RANBP2: variants seen among roughly 807,000 people sequenced by gnomAD.
RANBP2 encodes E3 SUMO-protein ligase RanBP2.
In RANBP2, 57 loss-of-function variants were observed where a neutral mutation model predicts 303.6. The observed-to-expected ratio is 0.19, with a 90% confidence interval of 0.15 to 0.23. The LOEUF is 0.23. Ranked by LOEUF, RANBP2 falls within the 10% of genes least tolerant of loss-of-function variation. RANBP2 has a pLI of 1.00. For missense variants in RANBP2, 3,138 were observed against 3,780.8 expected (o/e 0.83, Z 4.46); for synonymous variants, 1,167 against 1,301.5 (o/e 0.90, Z 2.23).
At chr2:109,140,107 C>G in the RANBP2 span, among the ~76,000 whole-genome samples, 2 of 152,136 alleles carry the variant, frequency 1.3e-5, no homozygotes, top group African/African-American at 4.8e-5. Flanking sequence ...CCTGGGAGGC[C>G]CCTTTTCCCT....
chr2:109,662,282 ATTTC>A, the RANBP2 span, among the ~76,000 whole-genome samples: 1 of 151,506 alleles, frequency 6.6e-6, no homozygotes, highest in Non-Finnish European at 1.5e-5. Context: ...CACCCTGTAT[ATTTC>A]TTTCTTTCTT....
chr2:109,240,215 T>C, the RANBP2 span, among the ~76,000 whole-genome samples: 1 of 152,208 alleles, frequency 6.6e-6, no homozygotes, highest in Admixed American at 6.5e-5. Flanking sequence ...AAATCAGGGT[T>C]GAAGCCAGGC....
chr2:108,921,578 G>A, the RANBP2 span, among the ~76,000 whole-genome samples: 1 of 152,228 alleles, frequency 6.6e-6, no homozygotes, highest in Non-Finnish European at 1.5e-5. Context: ...CCAGAGTGGG[G>A]CTGCTGATGG....
At chr2:109,423,439 C>A in the RANBP2 span, among the ~76,000 whole-genome samples, 1 of 152,194 alleles carries the variant, frequency 6.6e-6, no homozygotes, top group African/African-American at 2.4e-5. Flanking sequence ...TCCTCAATAA[C>A]AACAGTCCCC....
chr2:109,385,260 T>C, the RANBP2 span, among the ~76,000 whole-genome samples: 6 of 152,154 alleles, frequency 3.9e-5, no homozygotes, highest in Admixed American at 3.9e-4. Flanking sequence ...ATTGGAGACA[T>C]AGTGAAGTGC....
the RANBP2 span, among the ~76,000 whole-genome samples, chr2:109,203,123 G>A: frequency 6.6e-6 from 1 of 152,120 alleles, no homozygotes; most frequent in African/African-American, 2.4e-5. Flanking sequence ...CCCTGGGCCT[G>A]TCCGTGTCCT....
At chr2:109,130,147 A>C in the RANBP2 span, 1 of 1,277,364 alleles carries the variant, frequency 7.8e-7, no homozygotes, top group South Asian at 2.6e-5. Context: ...TGGCCACGGC[A>C]CGTGGGAGTG....
chr2:109,251,313 A>G, the RANBP2 span: 54 of 432,088 alleles, frequency 1.2e-4, no homozygotes, highest in Non-Finnish European at 1.3e-4. Context: ...GGCCCAAATT[A>G]TCTTTAACAA....
chr2:109,471,392 G>C, the RANBP2 span, among the ~76,000 whole-genome samples: 1 of 152,074 alleles, frequency 6.6e-6, no homozygotes, highest in Non-Finnish European at 1.5e-5. Flanking sequence ...AGAAAGTGAA[G>C]GGGGAAGAAT....
the RANBP2 span, among the ~76,000 whole-genome samples, chr2:109,216,464 G>A: frequency 6.6e-6 from 1 of 152,220 alleles, no homozygotes; most frequent in East Asian, 1.9e-4. Context: ...TGAGGGCGGT[G>A]CAGGGCTTAT....
At chr2:109,648,743 G>T in the RANBP2 span, among the ~76,000 whole-genome samples, 12,646 of 149,368 alleles carry the variant, frequency 0.085, 958 homozygotes, top group East Asian at 0.25. Flanking sequence ...AACCCCTGCC[G>T]CCTGGGTTCA....
At chr2:108,834,214 A>AT in the RANBP2 span, among the ~76,000 whole-genome samples, 12,224 of 139,644 alleles carry the variant, frequency 0.088, 843 homozygotes, top group African/African-American at 0.15. Context: ...CATCTTTGAA[A>AT]TTTTTTTTTT....
chr2:109,211,923 G>A, the RANBP2 span, among the ~76,000 whole-genome samples: 1 of 152,240 alleles, frequency 6.6e-6, no homozygotes, highest in African/African-American at 2.4e-5. Context: ...GATTACAGGT[G>A]TGAGACACCG....
the RANBP2 span, among the ~76,000 whole-genome samples, chr2:109,747,196 TATTC>T: frequency 1.4e-5 from 1 of 72,922 alleles, no homozygotes; most frequent in Non-Finnish European, 2.5e-5. Flanking sequence ...ATTAAGAAAA[TATTC>T]ATTATCTTAT....
the RANBP2 span, chr2:109,127,318 G>C: frequency 6.6e-6 from 1 of 152,186 alleles, no homozygotes; most frequent in African/African-American, 2.4e-5. Flanking sequence ...GAGAAAGAGA[G>C]ACGTATCCTT....
At chr2:108,924,292 C>T in the RANBP2 span, among the ~76,000 whole-genome samples, 1 of 152,236 alleles carries the variant, frequency 6.6e-6, no homozygotes, top group Non-Finnish European at 1.5e-5. Context: ...TCCCTGCAGC[C>T]GTCCCGCTCC....
At chr2:108,800,779 C>A in the RANBP2 span, among the ~76,000 whole-genome samples, 2 of 114,678 alleles carry the variant, frequency 1.7e-5, no homozygotes, top group African/African-American at 6.7e-5. Context: ...CCTCCCCACT[C>A]CCCCCACCCC....
the RANBP2 span, among the ~76,000 whole-genome samples, chr2:109,044,172 A>G: frequency 6.6e-6 from 1 of 152,232 alleles, no homozygotes; most frequent in East Asian, 1.9e-4. Context: ...AATGAAGGGG[A>G]GAAACCCCAT....
the RANBP2 span, among the ~76,000 whole-genome samples, chr2:109,475,814 T>A: frequency 6.6e-6 from 1 of 152,160 alleles, no homozygotes; most frequent in East Asian, 1.9e-4. Flanking sequence ...AGTGACTGAG[T>A]GTCAGCACTC....
Sources: gnomAD v4.1 joint callset for allele counts (sites outside exome capture counted in the v4.1 genomes callset) on GRCh38, gnomAD v4.1.1 for gene constraint, MANE v1.5 for transcripts, NCBI Gene and HGNC (gene_info 2026-07-23, HGNC 2026-07-21) for gene names.